The following MPPED1 variants were observed in gnomAD, a reference collection of about 807,000 sequenced individuals.
MPPED1 encodes metallophosphoesterase domain-containing protein 1.
MPPED1 carries 16 observed loss-of-function variants against 36.2 expected under a neutral mutation model. That is an observed-to-expected ratio of 0.44 (90% confidence interval 0.30 to 0.67). The LOEUF (loss-of-function observed/expected upper bound fraction) is 0.67, where lower values mean the gene tolerates loss of function less well. Among genes scored for constraint, MPPED1 ranks in the 30% least tolerant of loss-of-function variants. MPPED1 has a pLI of 0.10. For synonymous variants in MPPED1, 199 were observed against 191.3 expected (o/e 1.04, Z -0.33); for missense variants, 307 against 453.4 (o/e 0.68, Z 2.93).
chr22:43,463,331 CTTT>C (rs3047468), intron 3 of MPPED1, among the ~76,000 whole-genome samples: 4 of 121,048 alleles, frequency 3.3e-5, no homozygotes, highest in South Asian at 2.6e-4. Flanking sequence ...ATGATTTTTT[CTTT>C]TTTTTTTTTT....
At chr22:43,431,933 G>A (rs1231876744) in intron 2 of MPPED1, among the ~76,000 whole-genome samples, 2 of 152,208 alleles carry the variant, frequency 1.3e-5, no homozygotes, top group East Asian at 3.9e-4. Context: ...GGAAATATGA[G>A]TGGAGTTAAT....
chr22:43,475,686 A>G (rs199985858), intron 4 of MPPED1, among the ~76,000 whole-genome samples: 8 of 123,056 alleles, frequency 6.5e-5, no homozygotes, highest in Admixed American at 1.6e-4. Flanking sequence ...TGATGTGGTG[A>G]TGGTGATGAT....
At chr22:43,500,430 G>GTGGTGGTGGTGA (rs1932695082) in intron 5 of MPPED1, among the ~76,000 whole-genome samples, 1 of 148,070 alleles carries the variant, frequency 6.8e-6, no homozygotes, top group Non-Finnish European at 1.5e-5. Context: ...GGTAATGGAG[G>GTGGTGGTGGTGA]TGGTGGTGGA....
chr22:43,475,071 C>G lies in MPPED1; in HGVS notation c.632+110C>G, dbSNP rs1056933719. The stretch of plus-strand genomic sequence containing the variant: ...AGCAGGGAGCTCCGGATGCGAGGCT[C>G]AGGACTGAATCTTGACCCCTTACCC... On this transcript the variant is annotated intron_variant, in intron 4 of 6. Transcript: ENST00000443721. 3.2e-6 allele frequency: 3 copies of G among 952,142 alleles called. No homozygotes were observed. The African/African-American group carries it at 4.9e-5, about 15-fold the overall frequency. 59.0% of individuals were successfully genotyped at this position (952,142 alleles called of 1,614,324 possible).
intron 1 of MPPED1, among the ~76,000 whole-genome samples, chr22:43,422,835 G>A (rs907786935): frequency 7.2e-5 from 11 of 152,144 alleles, no homozygotes; most frequent in Non-Finnish European, 1.5e-4. Flanking sequence ...AGGTGGCATT[G>A]CTACTATCAA....
chr22:43,427,657 G>A (rs1240683785), intron 2 of MPPED1, among the ~76,000 whole-genome samples: 4 of 152,176 alleles, frequency 2.6e-5, no homozygotes, highest in African/African-American at 9.7e-5. Context: ...ATGTCTGTGA[G>A]CTGCTGAGTT....
chr22:43,504,698 TG>T (rs1932775596), intron 6 of MPPED1, among the ~76,000 whole-genome samples: 1 of 151,832 alleles, frequency 6.6e-6, no homozygotes. Context: ...GTGATAATGA[TG>T]GTGATGGTGG....
At chr22:43,472,874 C>T (rs764542698) in intron 3 of MPPED1, among the ~76,000 whole-genome samples, 1 of 152,174 alleles carries the variant, frequency 6.6e-6, no homozygotes, top group Non-Finnish European at 1.5e-5. Flanking sequence ...TATTTCCTTG[C>T]TATTAGGATA....
At chr22:43,467,578 G>GT (rs537968754) in intron 3 of MPPED1, among the ~76,000 whole-genome samples, 95 of 152,324 alleles carry the variant, frequency 6.2e-4, no homozygotes, top group Non-Finnish European at 1.2e-3. Flanking sequence ...CTCCATCCTG[G>GT]TGTGTTTCTA....
chr22:43,465,673 C>T (rs947265974), intron 3 of MPPED1, among the ~76,000 whole-genome samples: 3 of 152,128 alleles, frequency 2.0e-5, no homozygotes, highest in African/African-American at 7.2e-5. Context: ...GTGAAGAGAG[C>T]GGCTCTTGGA....
chr22:43,496,993 G>A (rs1367253400), intron 4 of MPPED1, among the ~76,000 whole-genome samples: 1 of 144,238 alleles, frequency 6.9e-6, no homozygotes. Flanking sequence ...TAGTGGTGGT[G>A]GAGGTGGTGG....
chr22:43,496,231 G>T (rs1464864426), intron 4 of MPPED1, among the ~76,000 whole-genome samples: 3 of 121,318 alleles, frequency 2.5e-5, no homozygotes, highest in Non-Finnish European at 5.0e-5. Context: ...AGATGGTGGT[G>T]GTGGAGGTGG....
intron 4 of MPPED1, among the ~76,000 whole-genome samples, chr22:43,479,126 C>T (rs749594951): frequency 3.3e-5 from 5 of 152,182 alleles, no homozygotes; most frequent in Non-Finnish European, 7.4e-5. Flanking sequence ...GGGCCCTCCA[C>T]TCCCCTGGCG....
In MPPED1 at chr22:43,474,259, G is replaced by A. The variant is rs115555281; in HGVS notation, c.407-477G>A. Among the ~76,000 whole-genome samples the A allele has an allele frequency of 0.01, 1,548 of 152,314 alleles. 27 individuals carry two copies. The highest frequency in any genetic ancestry group is 0.035 in the African/African-American group (1,460 of 41,562). On this transcript the variant is annotated intron_variant, in intron 3 of 6. Coordinates refer to ENST00000443721, the MANE Select transcript of MPPED1 (RefSeq NM_001044370.2). This position sits in a 1 kb window ranked among gnomAD's most constrained non-coding sequence, Gnocchi z 5.2. ...ACTAGTCCAGACAGAAGAAACTGAG[G>A]CAGAGAAGTCCCAGGATGAGGCCAG...
chr22:43,447,834 TA>T (rs1200008482), intron 3 of MPPED1, among the ~76,000 whole-genome samples: 2 of 136,226 alleles, frequency 1.5e-5, no homozygotes, highest in Admixed American at 1.5e-4. Flanking sequence ...TATATAAATA[TA>T]AAAATATTTT....
At chr22:43,461,631 C>A (rs993991732) in intron 3 of MPPED1, among the ~76,000 whole-genome samples, 5 of 152,110 alleles carry the variant, frequency 3.3e-5, no homozygotes, top group African/African-American at 1.2e-4. Flanking sequence ...AAAATAAAGT[C>A]ATTGAGAGCT....
chr22:43,412,569 G>C (rs113524481), intron 1 of MPPED1, among the ~76,000 whole-genome samples: 3,239 of 152,242 alleles, frequency 0.021, 85 homozygotes, highest in South Asian at 0.13. Context: ...CTGGCACTTG[G>C]GGGGGAAGAG....
chr22:43,502,295 G>A lies in MPPED1; in HGVS notation c.749-349G>A, dbSNP rs1046129123. On this transcript the variant is annotated intron_variant, in intron 5 of 6. Coordinates refer to ENST00000443721, the MANE Select transcript of MPPED1 (RefSeq NM_001044370.2). The surrounding 1 kb of genome is among the most constrained non-coding windows in gnomAD (Gnocchi z 5.5). ...CTGGCCTCCGTTTGCTGATCTCTGCGGTGGGCGGATGCCACCCTTGAGGCC... is the reference window on the plus strand; with the variant it reads ...CTGGCCTCCGTTTGCTGATCTCTGCAGTGGGCGGATGCCACCCTTGAGGCC... Among the ~76,000 whole-genome samples the A allele has an allele frequency of 2.6e-5, 4 of 152,244 alleles. No homozygotes were observed. The East Asian group carries it at 5.8e-4, about 22-fold the overall frequency.
At chr22:43,464,949 C>T (rs1931111018) in intron 3 of MPPED1, among the ~76,000 whole-genome samples, 2 of 152,214 alleles carry the variant, frequency 1.3e-5, no homozygotes, top group Non-Finnish European at 1.5e-5. Flanking sequence ...CCGTCCTATA[C>T]AAGGGCCCCT....
Sources: allele counts gnomAD v4.1 joint callset (sites outside exome capture counted in the v4.1 genomes callset), GRCh38; gene constraint gnomAD v4.1.1; non-coding constraint Gnocchi (gnomAD v3.1); transcripts MANE v1.5; gene names NCBI Gene and HGNC (gene_info 2026-07-23, HGNC 2026-07-21).